NUAK2: variants seen among roughly 807,000 people sequenced by gnomAD.
The protein encoded by NUAK2 is NUAK family kinase 2.
NUAK2 carries 20 observed loss-of-function variants against 29.8 expected under a neutral mutation model. The ratio of observed to expected loss-of-function variants is 0.67; its 90% CI spans 0.47 to 0.98. The LOEUF is 0.98. Among genes scored for constraint, NUAK2 ranks in the 50% least tolerant of loss-of-function variants. The probability of loss-of-function intolerance (pLI) is 0.00; values close to 1 mark genes in which losing one functional copy is unlikely to be tolerated. For synonymous variants in NUAK2, 331 were observed against 342.6 expected (o/e 0.97, Z 0.37); for missense variants, 719 against 834.5 (o/e 0.86, Z 1.71).
chr1:205,319,077 G>C (rs576529587), intron 1 of NUAK2, among the ~76,000 whole-genome samples: 1 of 140,440 alleles, frequency 7.1e-6, no homozygotes, highest in African/African-American at 2.5e-5. Flanking sequence ...GGTCTCTCTC[G>C]ATTCACGAAG....
rs1419744394 is a variant in NUAK2 at position 205,304,079 on chromosome 1, C to G, written c.1258G>C (p.Glu420Gln). Reference protein sequence around the residue: ...ILKKKVSASAEGVQEDPPELS... With the variant: ...ILKKKVSASAQGVQEDPPELS... ...TCCGGAGGGTCCTCCTGTACCCCTT[C>G]TGCAGAGGCTGACACCTTCTTCTTG... The change falls in exon 7 of 7, where the codon GAA becomes CAA. Residue 420 changes from glutamate to glutamine, a missense_variant. By Grantham distance (29) the Glu-to-Gln change is conservative (BLOSUM62 2). Around this residue, in one of 3 missense-constraint regions of NUAK2, gnomAD observed 430 missense variants for 465.7 expected, o/e 0.92. Transcript: ENST00000367157. The surrounding 1 kb of genome is among the most constrained non-coding windows in gnomAD (Gnocchi z 6.5). The G allele has an allele frequency of 4.3e-6, 7 of 1,614,082 alleles. No homozygotes were observed. The highest frequency in any genetic ancestry group is 5.1e-6 in the Non-Finnish European group (6 of 1,180,036).
intron 1 of NUAK2, among the ~76,000 whole-genome samples, chr1:205,314,866 C>G (rs1190268351): frequency 6.6e-6 from 1 of 152,028 alleles, no homozygotes; most frequent in African/African-American, 2.4e-5. Context: ...GGGCAGAACT[C>G]TAAAGATGAC....
At position 205,321,390 on chromosome 1, in the gene NUAK2, G is replaced by C; in HGVS notation, c.231+8C>G. Reference sequence around the variant, plus strand: ...CCGCCCCGCGCCGCGAGAGGGAGCCGCACTCACCAGGCGCCCCGAGCTCTC... The same window carrying C: ...CCGCCCCGCGCCGCGAGAGGGAGCCCCACTCACCAGGCGCCCCGAGCTCTC... On this transcript the variant is annotated splice_region_variant and intron_variant, in intron 1 of 6. Transcript: ENST00000367157. 1 of 1,610,398 alleles carries C rather than the reference G, an allele frequency of 6.2e-7. No individual in the cohort carries two copies. The highest frequency in any genetic ancestry group is 8.5e-7 in the Non-Finnish European group (1 of 1,178,122).
chr1:205,305,035 C>T (rs1270117783), intron 6 of NUAK2, among the ~76,000 whole-genome samples, 164 bp downstream of exon 6: 1 of 152,232 alleles, frequency 6.6e-6, no homozygotes, highest in Non-Finnish European at 1.5e-5. Flanking sequence ...CCCTCCTTCC[C>T]CAGAGGTCTC....
chr1:205,314,278 G>A (rs1404702221), intron 1 of NUAK2, among the ~76,000 whole-genome samples: 1 of 152,226 alleles, frequency 6.6e-6, no homozygotes, highest in African/African-American at 2.4e-5. Flanking sequence ...TCCCTGAGCA[G>A]GGCAGGGAGG....
chr1:205,312,653 C>G (rs2102255296), intron 1 of NUAK2, among the ~76,000 whole-genome samples: 1 of 152,206 alleles, frequency 6.6e-6, no homozygotes, highest in South Asian at 2.1e-4. Flanking sequence ...AATTCAAAAT[C>G]TAGCCAGGTG....
chr1:205,316,712 C>T (rs988126708), intron 1 of NUAK2, among the ~76,000 whole-genome samples: 2 of 152,168 alleles, frequency 1.3e-5, no homozygotes, highest in African/African-American at 4.8e-5. Flanking sequence ...GGGCCACCTG[C>T]TACTATGCCA....
chr1:205,313,820 C>T lies in NUAK2; in HGVS notation c.232-1995G>A, dbSNP rs145562137. 9.9e-3 allele frequency among the ~76,000 whole-genome samples: 1,504 copies of T among 152,254 alleles called. 11 individuals carry two copies. The highest frequency in any genetic ancestry group is 0.015 in the Admixed American group (224 of 15,290). The stretch of plus-strand genomic sequence containing the variant: ...GGGTGGGGGTGGGGTGTCACAGGGC[C>T]GGCCAGTTCCTGGCAAGTGCTGCCC... On this transcript the variant is annotated intron_variant, in intron 1 of 6. Transcript: ENST00000367157.
chr1:205,304,339 G>A lies in NUAK2; in HGVS notation c.998C>T (p.Ala333Val). The change falls in exon 7 of 7, where the codon GCT (alanine) becomes GTT (valine). Residue 333 changes from alanine (A) to valine (V), a missense_variant. Ala to Val is a moderately conservative substitution (Grantham distance 64). This residue lies in a region of NUAK2 where 430 missense variants were observed against 465.7 expected (regional missense o/e 0.92). Transcript: ENST00000367157. The surrounding 1 kb of genome is among the most constrained non-coding windows in gnomAD (Gnocchi z 6.5). The stretch of plus-strand genomic sequence containing the variant: ...GCGGGAGGAACGCCGGAGCCAGTCA[G>A]CCATGGAGGCGCGGGCAGAGTCACT... ...PGSDSARASM[A>V]DWLRRSSRPL... is the part of the protein sequence containing the mutation. The A allele has an allele frequency of 1.2e-6, 2 of 1,610,594 alleles. No individual in the cohort carries two copies. Among genetic ancestry groups the A allele is most frequent in the Non-Finnish European group, 1.7e-6 (2 of 1,177,820 alleles).
At chr1:205,305,404 A>G (rs1662165972) in intron 5 of NUAK2, 73 bp from the exon 6 acceptor site, 3 of 1,551,936 alleles carry the variant, frequency 1.9e-6, no homozygotes, top group East Asian at 2.3e-5. Context: ...GAGAACTCAG[A>G]GGCCAGCACA....
chr1:205,308,640 C>G lies in NUAK2; in HGVS notation c.445G>C (p.Glu149Gln). ...CGGAAGAAATGCCTAGCTTCGCGCT[C>G]ACTGAGCTGCTGCCGCTCGCTGATG... is the stretch of plus-strand genomic sequence containing the variant. ...DYISERQQLS[E>Q]REARHFFRQI... is the part of the protein sequence containing the mutation. The change falls in exon 3 of 7, where the codon GAG becomes CAG. Residue 149 changes from glutamate (E) to glutamine (Q), a missense_variant. Glu to Gln is a conservative substitution (Grantham distance 29, BLOSUM62 2). This residue lies in a region of NUAK2 where 283 missense variants were observed against 345.6 expected (regional missense o/e 0.82). Transcript: ENST00000367157. The surrounding 1 kb of genome is among the most constrained non-coding windows in gnomAD (Gnocchi z 4.1). 6.2e-7 allele frequency: 1 copy of G among 1,614,142 alleles called. No homozygotes were observed. The highest frequency in any genetic ancestry group is 8.5e-7 in the Non-Finnish European group (1 of 1,180,036).
At chr1:205,312,962 C>T (rs1452190853) in intron 1 of NUAK2, among the ~76,000 whole-genome samples, 2 of 152,240 alleles carry the variant, frequency 1.3e-5, no homozygotes, top group East Asian at 1.9e-4. Context: ...AAGCCAGTCA[C>T]GCAAGGATCA....
intron 5 of NUAK2, 77 bp from the exon 6 acceptor site, chr1:205,305,408 C>T: frequency 6.5e-7 from 1 of 1,544,524 alleles, no homozygotes. Flanking sequence ...ACTCAGAGGC[C>T]AGCACACCTG....
In NUAK2 at chr1:205,304,561, G is replaced by A. The variant is rs1403030271; in HGVS notation, c.824-48C>T. On this transcript the variant is annotated intron_variant, in intron 6 of 6. Transcript: ENST00000367157. The surrounding 1 kb of genome is among the most constrained non-coding windows in gnomAD (Gnocchi z 6.5). ...TTCAGTTTGGCAGCTCCCAGAATAG[G>A]CACTCCCTGTCCCCTGTCCCCAGCT... 3 of 1,406,546 alleles carry A rather than the reference G, an allele frequency of 2.1e-6. No homozygotes were observed. The highest frequency in any genetic ancestry group is 2.9e-5 in the South Asian group (2 of 68,102). 87.1% of individuals were successfully genotyped at this position (1,406,546 alleles called of 1,614,324 possible).
In NUAK2 at chr1:205,308,549, T is replaced by C; in HGVS notation, c.504+32A>G. ...CCCTAGAGCCCTGGGGACCACCCAC[T>C]GAGAATATGGCTGGAGCAGGTAGGT... is the stretch of plus-strand genomic sequence containing the variant. On this transcript the variant is annotated intron_variant, in intron 3 of 6. Transcript: ENST00000367157. The surrounding 1 kb of genome is among the most constrained non-coding windows in gnomAD (Gnocchi z 4.1). 6.2e-7 allele frequency: 1 copy of C among 1,600,942 alleles called. No individual in the cohort carries two copies. The highest frequency in any genetic ancestry group is 8.6e-7 in the Non-Finnish European group (1 of 1,168,830).
At chr1:205,314,190 C>T (rs1195308578) in intron 1 of NUAK2, among the ~76,000 whole-genome samples, 2 of 152,228 alleles carry the variant, frequency 1.3e-5, no homozygotes, top group Non-Finnish European at 2.9e-5. Context: ...GGCAACGGGC[C>T]AGGGATGGCG....
In NUAK2 at chr1:205,309,517, G is replaced by A. The variant is rs187020494; in HGVS notation, c.353-785C>T. Among the ~76,000 whole-genome samples, 273 of 152,190 alleles carry A rather than the reference G, an allele frequency of 1.8e-3. 1 individual carries two copies. Among genetic ancestry groups the A allele is most frequent in the African/African-American group, 6.4e-3 (265 of 41,526 alleles). ...AATTTTTGTATTTTTTAGTAGAGAC[G>A]GGGTTTCACCATGTTGGCCAGGCTG... On this transcript the variant is annotated intron_variant, in intron 2 of 6. Transcript: ENST00000367157.
Position 205,320,256 on chromosome 1 carries a change from C to CATTTT in NUAK2, c.231+1141_231+1142insAAAAT, listed in dbSNP as rs1491184124. Among the ~76,000 whole-genome samples, 9 of 149,654 alleles carry CATTTT rather than the reference C, an allele frequency of 6.0e-5. No individual in the cohort carries two copies. In the East Asian group the frequency reaches 1.7e-3, roughly 29 times the overall value. On this transcript the variant is annotated intron_variant, in intron 1 of 6. Coordinates refer to ENST00000367157, the MANE Select transcript of NUAK2 (RefSeq NM_030952.3). The stretch of plus-strand genomic sequence containing the variant: ...CTGCAAGTTCTTTTTTTGTTTGTTT[C>CATTTT]GTTTTGTTTTGTTTTGTTTTGTTTT...
chr1:205,315,599 G>T (rs1176405699), intron 1 of NUAK2, among the ~76,000 whole-genome samples: 13 of 152,294 alleles, frequency 8.5e-5, no homozygotes. Context: ...TAGGCTGGGC[G>T]CAGTGGCTCA....
Sources: gnomAD v4.1 joint callset for allele counts (sites outside exome capture counted in the v4.1 genomes callset) on GRCh38, gnomAD v4.1.1 for gene constraint, gnomAD v4.1.1 regional missense constraint, Gnocchi (gnomAD v3.1) non-coding constraint, MANE v1.5 for transcripts, NCBI Gene and HGNC (gene_info 2026-07-23, HGNC 2026-07-21) for gene names.